RNF150: variants seen among roughly 807,000 people sequenced by gnomAD.
RNF150 encodes ring finger protein 150.
RNF150 carries 24 observed loss-of-function variants against 39.3 expected under a neutral mutation model. That is an observed-to-expected ratio of 0.61 (90% CI 0.44 to 0.86). The LOEUF is 0.86. RNF150 is among the 40% of genes least tolerant of loss of function. The pLI is 0.00. For synonymous variants in RNF150, 255 were observed against 227.3 expected (o/e 1.12, Z -1.10); for missense variants, 502 against 587.8 (o/e 0.85, Z 1.51).
rs187054017 is a variant in RNF150 at position 141,184,152 on chromosome 4, C to T, written c.-6+28642G>A. ...GTGTAAAAGCATTCCTATTTCTCCA[C>T]ATCCTCTCCAACATATGTTGTTTCC... is the stretch of plus-strand genomic sequence containing the variant. On this transcript the variant is annotated intron_variant, in intron 1 of 7. Transcript: ENST00000420921. 1.9e-3 allele frequency among the ~76,000 whole-genome samples: 294 copies of T among 152,310 alleles called. 2 individuals are homozygous for T. Among genetic ancestry groups the T allele is most frequent in the Non-Finnish European group, 2.2e-3 (148 of 68,020 alleles).
chr4:140,922,748 C>G (rs889855562), intron 5 of RNF150, among the ~76,000 whole-genome samples: 6 of 152,042 alleles, frequency 3.9e-5, no homozygotes, highest in Non-Finnish European at 7.3e-5. Flanking sequence ...ATCAAAACAG[C>G]ATGGTACTGG....
intron 1 of RNF150, among the ~76,000 whole-genome samples, chr4:141,093,572 G>A (rs1373109655): frequency 6.6e-6 from 1 of 152,156 alleles, no homozygotes; most frequent in East Asian, 1.9e-4. Context: ...ACATGGACGG[G>A]ACTTAAGTTG....
At chr4:141,128,470 T>C (rs1726807236) in intron 1 of RNF150, among the ~76,000 whole-genome samples, 1 of 152,210 alleles carries the variant, frequency 6.6e-6, no homozygotes, top group Non-Finnish European at 1.5e-5. Flanking sequence ...TAGAAATTTC[T>C]GATATCATCA....
At chr4:141,136,519 C>CT (rs1438277050), upstream of RNF150, among the ~76,000 whole-genome samples, 2 of 152,192 alleles carry the variant, frequency 1.3e-5, no homozygotes, top group African/African-American at 4.8e-5. Flanking sequence ...CCCTGCTACT[C>CT]TTTTTTCCAG....
At chr4:140,954,214 C>T (rs1732656803) in intron 2 of RNF150, among the ~76,000 whole-genome samples, 1 of 151,810 alleles carries the variant, frequency 6.6e-6, no homozygotes, top group African/African-American at 2.4e-5. Context: ...CATGCTTCTT[C>T]TTCTTATTAT....
chr4:140,935,609 A>C (rs1731834951), intron 4 of RNF150, among the ~76,000 whole-genome samples: 1 of 152,168 alleles, frequency 6.6e-6, no homozygotes, highest in Non-Finnish European at 1.5e-5. Context: ...TAAGTGATAT[A>C]TTTTACATAT....
chr4:141,019,508 C>G (rs187046128), intron 1 of RNF150, among the ~76,000 whole-genome samples: 2 of 152,024 alleles, frequency 1.3e-5, no homozygotes, highest in African/African-American at 4.8e-5. Flanking sequence ...GTGTTTGAAA[C>G]GACTTCTTAA....
At chr4:140,929,322 T>C (rs1048846207) in intron 4 of RNF150, among the ~76,000 whole-genome samples, 4 of 151,100 alleles carry the variant, frequency 2.6e-5, no homozygotes, top group Non-Finnish European at 5.9e-5. Context: ...TTTCTCTCTA[T>C]GCACTGGTCA....
At chr4:141,183,975 C>T (rs924981113) in intron 1 of RNF150, among the ~76,000 whole-genome samples, 2 of 152,114 alleles carry the variant, frequency 1.3e-5, no homozygotes, top group African/African-American at 4.8e-5. Flanking sequence ...CATACGTGTG[C>T]ATGTGTCTTT....
At chr4:141,136,476 G>A (rs1727029355), upstream of RNF150, among the ~76,000 whole-genome samples, 1 of 152,190 alleles carries the variant, frequency 6.6e-6, no homozygotes, top group Non-Finnish European at 1.5e-5. Context: ...ACATTAATAT[G>A]TTTCCAGCTT....
chr4:141,085,829 T>G (rs897003138), intron 1 of RNF150, among the ~76,000 whole-genome samples: 5 of 152,190 alleles, frequency 3.3e-5, no homozygotes, highest in Non-Finnish European at 5.9e-5. Context: ...AAGGTGATTT[T>G]GTAATCAGAG....
intron 6 of RNF150, among the ~76,000 whole-genome samples, chr4:140,890,456 T>C (rs1458990998): frequency 6.6e-6 from 1 of 152,174 alleles, no homozygotes; most frequent in Non-Finnish European, 1.5e-5. Flanking sequence ...CCCAAATTCA[T>C]ATGTTGAAAG....
chr4:141,121,888 G>A (rs939371824), intron 1 of RNF150, among the ~76,000 whole-genome samples: 3 of 152,082 alleles, frequency 2.0e-5, no homozygotes, highest in African/African-American at 7.2e-5. Context: ...GATTCATCCC[G>A]CATAGTGGCT....
chr4:140,892,782 T>A (rs541741573), intron 6 of RNF150, among the ~76,000 whole-genome samples: 1 of 151,664 alleles, frequency 6.6e-6, no homozygotes, highest in African/African-American at 2.4e-5. Context: ...CTGTGGAGGC[T>A]GGTGTAGTGT....
chr4:141,020,648 C>T (rs1247772354), intron 1 of RNF150, among the ~76,000 whole-genome samples: 4 of 152,146 alleles, frequency 2.6e-5, no homozygotes, highest in African/African-American at 9.7e-5. Flanking sequence ...GTCAGGAAAA[C>T]ATGGCAAACT....
In RNF150 at chr4:141,034,828, C is replaced by A. The variant is rs1578654696; in HGVS notation, c.485-66955G>T. On this transcript the variant is annotated intron_variant, in intron 1 of 6. Transcript: ENST00000515673. Reference sequence around the variant, plus strand: ...TATATAGGGCATGGTTTGCAGCACCCCCAAACAAGTACAATAGTAACATCC... The same window carrying A: ...TATATAGGGCATGGTTTGCAGCACCACCAAACAAGTACAATAGTAACATCC... Among the ~76,000 whole-genome samples, 3 of 152,062 alleles carry A rather than the reference C, an allele frequency of 2.0e-5. No individual in the cohort carries two copies. In the South Asian group the frequency reaches 6.2e-4, roughly 32 times the overall value.
intron 1 of RNF150, among the ~76,000 whole-genome samples, chr4:140,990,541 G>A (rs1286130990): frequency 6.6e-6 from 1 of 152,088 alleles, no homozygotes; most frequent in East Asian, 1.9e-4. Context: ...CCCTCCCTGT[G>A]TCTTCTCATT....
chr4:141,074,640 C>G (rs1012229798), intron 1 of RNF150, among the ~76,000 whole-genome samples: 1 of 152,112 alleles, frequency 6.6e-6, no homozygotes, highest in East Asian at 1.9e-4. Context: ...AAAAGGCAGG[C>G]ATAACCACTC....
intron 1 of RNF150, among the ~76,000 whole-genome samples, chr4:141,122,213 AT>A (rs2111088376): frequency 6.6e-6 from 1 of 152,338 alleles, no homozygotes; most frequent in South Asian, 2.1e-4. Context: ...TGCATTCAGC[AT>A]CCCCCAGACA....
Sources: gnomAD v4.1 joint callset for allele counts (sites outside exome capture counted in the v4.1 genomes callset) on GRCh38, gnomAD v4.1.1 for gene constraint, MANE v1.5 for transcripts, NCBI Gene and HGNC (gene_info 2026-07-23, HGNC 2026-07-21) for gene names.